Variants in ANK3 observed in about 807,000 individuals in gnomAD.
ANK3 encodes the protein ankyrin-3.
Under a neutral mutation model 370.9 loss-of-function variants are expected in ANK3, and 57 were observed. The observed-to-expected ratio is 0.15, with a 90% confidence interval of 0.12 to 0.19. The LOEUF (loss-of-function observed/expected upper bound fraction) is 0.19. ANK3 is among the 10% of genes least tolerant of loss of function. ANK3 has a pLI of 1.00. For synonymous variants in ANK3, 1,929 were observed against 1,946.3 expected, an observed-to-expected ratio of 0.99 and a Z score of 0.23; for missense variants, 4,439 against 5,302.1, an observed-to-expected ratio of 0.84 and a Z score of 5.06.
At position 60,400,009 on chromosome 10, in the gene ANK3, AGTGTGTGTGTGTGTGT is replaced by A. The variant is rs60224309; in HGVS notation, c.97-120386_97-120371del. Among the ~76,000 whole-genome samples the A allele has an allele frequency of 5.8e-3, 840 of 145,982 alleles. 5 individuals carry two copies. The highest frequency in any genetic ancestry group is 0.013 in the South Asian group (60 of 4,492). ...AAATATAAATCAAAACCTCCAATAC[AGTGTGTGTGTGTGTGT>A]GTGTGTGTGTGTGTGTGTGTGTGTG... On this transcript the variant is annotated intron_variant, in intron 2 of 43. Transcript: ENST00000373827.
chr10:60,616,337 T>C (rs546217070), intron 1 of ANK3, among the ~76,000 whole-genome samples: 11 of 152,242 alleles, frequency 7.2e-5, no homozygotes, highest in African/African-American at 2.4e-4. Flanking sequence ...TTACAGAAAA[T>C]GTGCCAAGCA....
At chr10:60,158,360 A>G (rs766069254) in intron 23 of ANK3, among the ~76,000 whole-genome samples, 1 of 152,168 alleles carries the variant, frequency 6.6e-6, no homozygotes, top group Non-Finnish European at 1.5e-5. Context: ...TGTACAAACC[A>G]CTCATACCTT....
At position 60,639,700 on chromosome 10, in the gene ANK3, T is replaced by C. The variant is rs188365243; in HGVS notation, c.58-24476A>G. Among the ~76,000 whole-genome samples the C allele has an allele frequency of 2.0e-3, 310 of 151,952 alleles. 1 individual carries two copies. The highest frequency in any genetic ancestry group is 7.0e-3 in the African/African-American group (292 of 41,514). On this transcript the variant is annotated intron_variant, in intron 1 of 43. Transcript: ENST00000373827. ...TAGACAAACCACTAAAGTAAATAAC[T>C]ACTAAAGATAAAACACAGAAGTATT...
rs113829613 is a variant in ANK3, at chr10:60,334,069, A to G, written c.115-54430T>C. Among the ~76,000 whole-genome samples the G allele has an allele frequency of 3.8e-3, 573 of 152,334 alleles. 4 individuals are homozygous for G. Among genetic ancestry groups the G allele is most frequent in the African/African-American group, 0.013 (544 of 41,582 alleles). ...AGAGCAGAAATTAACACTACACTAAAAAAGGTTAAAAATCCCAGGTGATGG... is the reference window on the plus strand; with the variant it reads ...AGAGCAGAAATTAACACTACACTAAGAAAGGTTAAAAATCCCAGGTGATGG... On this transcript the variant is annotated intron_variant, in intron 1 of 43. Transcript: ENST00000280772.
chr10:60,274,790 C>T (rs2098060678), intron 4 of ANK3, among the ~76,000 whole-genome samples: 2 of 152,196 alleles, frequency 1.3e-5, no homozygotes, highest in Admixed American at 1.3e-4. Context: ...AAGTTAGTTT[C>T]TCTCCCTGTA....
At chr10:60,379,155 T>C (rs748734000) in intron 1 of ANK3, among the ~76,000 whole-genome samples, 2 of 152,020 alleles carry the variant, frequency 1.3e-5, no homozygotes, top group Non-Finnish European at 2.9e-5. Flanking sequence ...CAATGAGGTA[T>C]CATCTCACCC....
intron 2 of ANK3, among the ~76,000 whole-genome samples, chr10:60,601,461 C>T (rs1320692699): frequency 6.6e-6 from 1 of 152,046 alleles, no homozygotes; most frequent in Non-Finnish European, 1.5e-5. Flanking sequence ...TGGTCAAGCT[C>T]CCAAGACCCA....
At chr10:60,288,889 AACAC>A (rs35560146) in intron 1 of ANK3, among the ~76,000 whole-genome samples, 134 of 139,298 alleles carry the variant, frequency 9.6e-4, no homozygotes, top group African/African-American at 2.6e-3. Context: ...AGGTAGGAAT[AACAC>A]ACACACACAC....
At chr10:60,412,180 G>C (rs1276824705) in intron 2 of ANK3, among the ~76,000 whole-genome samples, 2 of 152,062 alleles carry the variant, frequency 1.3e-5, no homozygotes, top group Non-Finnish European at 2.9e-5. Context: ...GGCCGTGCAG[G>C]GTGCTCGGGG....
At chr10:60,177,719 T>A (rs2096014914) in intron 18 of ANK3, among the ~76,000 whole-genome samples, 1 of 150,072 alleles carries the variant, frequency 6.7e-6, no homozygotes, top group East Asian at 2.0e-4. Flanking sequence ...TGCCTCAGCC[T>A]CCCGAGTAGC....
chr10:60,582,276 T>G lies in ANK3; in HGVS notation c.96+32910A>C, dbSNP rs116963771. 6.9e-3 allele frequency among the ~76,000 whole-genome samples: 1,045 copies of G among 151,712 alleles called. 8 individuals are homozygous for G. The highest frequency in any genetic ancestry group is 8.6e-3 in the South Asian group (41 of 4,774). On this transcript the variant is annotated intron_variant, in intron 2 of 43. Coordinates refer to the ANK3 transcript ENST00000373827. ...CCTGGAACTTAAAGTATAATAATAA[T>G]AATAAGAAGAAAAGGCTGCAGCTTA... is the stretch of plus-strand genomic sequence containing the variant.
chr10:60,703,221 TA>T (rs1462370244), intron 1 of ANK3, among the ~76,000 whole-genome samples: 1 of 152,154 alleles, frequency 6.6e-6, no homozygotes, highest in Non-Finnish European at 1.5e-5. Flanking sequence ...ATTGGAAAAA[TA>T]TTGAAGAAAT....
At chr10:60,521,788 G>C (rs2076353606) in intron 2 of ANK3, among the ~76,000 whole-genome samples, 1 of 152,032 alleles carries the variant, frequency 6.6e-6, no homozygotes, top group Admixed American at 6.6e-5. Context: ...TAACTTAAAG[G>C]CCATCCTACC....
intron 2 of ANK3, among the ~76,000 whole-genome samples, chr10:60,434,717 T>A (rs1008847958): frequency 6.6e-6 from 1 of 152,180 alleles, no homozygotes; most frequent in African/African-American, 2.4e-5. Flanking sequence ...TACGACTAGA[T>A]CTTTTTATTA....
At chr10:60,129,170 C>A (rs1307825035) in intron 25 of ANK3, among the ~76,000 whole-genome samples, 1 of 152,206 alleles carries the variant, frequency 6.6e-6, no homozygotes, top group Non-Finnish European at 1.5e-5. Flanking sequence ...CAATACACAC[C>A]AAGCTTCCAG....
chr10:60,297,120 G>T (rs1297033727), intron 1 of ANK3, among the ~76,000 whole-genome samples: 1 of 152,160 alleles, frequency 6.6e-6, no homozygotes, highest in Non-Finnish European at 1.5e-5. Context: ...ATGATGTTGA[G>T]TTAGAATACA....
At chr10:60,386,655 T>C (rs1012639338) in intron 1 of ANK3, among the ~76,000 whole-genome samples, 2 of 152,124 alleles carry the variant, frequency 1.3e-5, no homozygotes, top group African/African-American at 4.8e-5. Context: ...ATGTTAAGTC[T>C]ACATATGTAT....
intron 1 of ANK3, among the ~76,000 whole-genome samples, chr10:60,283,095 G>C (rs1334446273): frequency 6.6e-6 from 1 of 152,138 alleles, no homozygotes; most frequent in Non-Finnish European, 1.5e-5. Context: ...TGACTTATTT[G>C]CTTTCATTTC....
intron 2 of ANK3, among the ~76,000 whole-genome samples, chr10:60,537,423 G>A (rs1174438655): frequency 2.0e-5 from 3 of 151,924 alleles, no homozygotes; most frequent in Non-Finnish European, 4.4e-5. Context: ...GGACAGTAGA[G>A]ATCATTTTCA....
Sources: allele counts gnomAD v4.1 joint callset (sites outside exome capture counted in the v4.1 genomes callset), GRCh38; gene constraint gnomAD v4.1.1; transcripts MANE v1.5; gene names NCBI Gene and HGNC (gene_info 2026-07-23, HGNC 2026-07-21).